The following DYNLT2B variants were observed in gnomAD, a reference collection of about 807,000 sequenced individuals.
DYNLT2B encodes the protein dynein light chain Tctex-type 2B.
A neutral mutation model predicts 19.5 loss-of-function variants in DYNLT2B; 14 were observed. The ratio of observed to expected loss-of-function variants is 0.72; its 90% confidence interval spans 0.47 to 1.12. DYNLT2B has a LOEUF of 1.12. Among genes scored for constraint, DYNLT2B ranks in the 50% most tolerant of loss-of-function variants. The pLI is 0.00. For synonymous variants in DYNLT2B, 70 were observed against 59.7 expected, an observed-to-expected ratio of 1.17 and a Z score of -0.79; for missense variants, 133 against 174.7, an observed-to-expected ratio of 0.76 and a Z score of 1.35.
chr3:196,316,335 C>T (rs1577395697), intron 1 of DYNLT2B, 104 bp from the exon 2 acceptor site: 2 of 1,160,314 alleles, frequency 1.7e-6, no homozygotes, highest in East Asian at 2.7e-5. Flanking sequence ...CCACTTAATC[C>T]TTCTTTTTCA....
intron 4 of DYNLT2B, among the ~76,000 whole-genome samples, chr3:196,291,839 T>C (rs897595197): frequency 1.6e-4 from 24 of 152,214 alleles, no homozygotes; most frequent in African/African-American, 5.1e-4. Context: ...TTCCAGAGTA[T>C]AGCTACACTA....
chr3:196,301,409 A>G (rs1208341831), intron 3 of DYNLT2B, among the ~76,000 whole-genome samples: 1 of 152,106 alleles, frequency 6.6e-6, no homozygotes. Flanking sequence ...TAAGCATATA[A>G]CAACATAAAA....
chr3:196,299,595 A>G (rs1726300966), intron 3 of DYNLT2B, among the ~76,000 whole-genome samples: 1 of 152,102 alleles, frequency 6.6e-6, no homozygotes, highest in Admixed American at 6.5e-5. Flanking sequence ...AAAAGGAGAA[A>G]GTAGAACTGA....
At position 196,291,302 on chromosome 3, in the gene DYNLT2B, T is replaced by C. The variant is rs1176506008; in HGVS notation, c.*25A>G. ...GTTCAGATTTCTTCATGGTCATGTC[T>C]TTTACCAGCTTTTCAAAGATTCATT... On this transcript the variant is annotated 3_prime_UTR_variant, in exon 5 of 5. Transcript: ENST00000325318. The C allele has an allele frequency of 1.9e-6, 3 of 1,600,630 alleles. No homozygotes were observed. Among genetic ancestry groups the C allele is most frequent in the Middle Eastern group, 1.7e-4 (1 of 6,006 alleles).
intron 3 of DYNLT2B, among the ~76,000 whole-genome samples, chr3:196,299,356 A>G (rs997484695): frequency 6.3e-4 from 96 of 151,698 alleles, no homozygotes; most frequent in African/African-American, 2.3e-3. Context: ...AAGTGCTGGG[A>G]TTACAGGCAT....
At chr3:196,294,620 C>T (rs2108789959) in intron 4 of DYNLT2B, among the ~76,000 whole-genome samples, 1 of 152,350 alleles carries the variant, frequency 6.6e-6, no homozygotes, top group East Asian at 1.9e-4. Context: ...CTTCAGCTTC[C>T]TAATGTCACT....
chr3:196,309,153 C>T (rs146046044), intron 2 of DYNLT2B, among the ~76,000 whole-genome samples: 65 of 152,362 alleles, frequency 4.3e-4, no homozygotes, highest in African/African-American at 1.3e-3. Context: ...CCATGGCTCA[C>T]GCCTGTAATC....
chr3:196,309,268 T>G (rs1387914106), intron 2 of DYNLT2B, among the ~76,000 whole-genome samples: 1 of 152,000 alleles, frequency 6.6e-6, no homozygotes, highest in African/African-American at 2.4e-5. Context: ...CAATTTTTCT[T>G]TTTTTCTTTT....
chr3:196,306,367 G>A (rs1726486116), intron 3 of DYNLT2B, among the ~76,000 whole-genome samples: 1 of 151,598 alleles, frequency 6.6e-6, no homozygotes, highest in East Asian at 1.9e-4. Flanking sequence ...GGCCAAGGCT[G>A]CAGTGAGTTG....
At chr3:196,292,627 C>T (rs2108789094) in intron 4 of DYNLT2B, 1 of 152,160 alleles carries the variant, frequency 6.6e-6, no homozygotes, top group South Asian at 2.1e-4. Flanking sequence ...CTAAACCAAC[C>T]CTTATACTCA....
At position 196,296,027 on chromosome 3, in the gene DYNLT2B, A is replaced by G. The variant is rs569444732; in HGVS notation, c.360T>C (p.Tyr120=). 1.9e-6 allele frequency: 3 copies of G among 1,614,034 alleles called. No individual in the cohort carries two copies. In the East Asian group the frequency reaches 6.7e-5, roughly 36 times the overall value. ...TTACATTCATGAAAACATCATGAGTATAGTTGTCAGTGTCAGCATCCCAGA... is the reference window on the plus strand; with the variant it reads ...TTACATTCATGAAAACATCATGAGTGTAGTTGTCAGTGTCAGCATCCCAGA... ...RCFWDADTDN[Y]THDVFMNDSL... Residue 120 remains tyrosine (Y), a synonymous_variant, in exon 4 of 5, where the codon TAT becomes TAC. Transcript: ENST00000325318.
intron 2 of DYNLT2B, among the ~76,000 whole-genome samples, chr3:196,314,426 G>T (rs1726720591): frequency 6.8e-6 from 1 of 146,026 alleles, no homozygotes; most frequent in African/African-American, 2.6e-5. Flanking sequence ...TCACACCACT[G>T]CACTCCAGCC....
At chr3:196,300,091 G>A (rs1407681544) in intron 3 of DYNLT2B, among the ~76,000 whole-genome samples, 1 of 152,160 alleles carries the variant, frequency 6.6e-6, no homozygotes. Context: ...GAGTTCAGGG[G>A]CCTCTAACTG....
chr3:196,301,401 A>C (rs1010390130), intron 3 of DYNLT2B, among the ~76,000 whole-genome samples: 2 of 152,172 alleles, frequency 1.3e-5, no homozygotes, highest in Non-Finnish European at 2.9e-5. Context: ...TACCAGAGTA[A>C]GCATATAACA....
chr3:196,302,769 T>C (rs553404928), intron 3 of DYNLT2B, among the ~76,000 whole-genome samples: 1 of 152,050 alleles, frequency 6.6e-6, no homozygotes, highest in Non-Finnish European at 1.5e-5. Context: ...CTTTGCAAAA[T>C]GATGACTGAG....
intron 2 of DYNLT2B, among the ~76,000 whole-genome samples, chr3:196,314,935 A>G (rs148623370): frequency 6.3e-4 from 96 of 152,290 alleles, no homozygotes; most frequent in African/African-American, 2.1e-3. Context: ...AGGGTTGAGT[A>G]AGGGAAGTAG....
chr3:196,311,067 G>A (rs534470850), intron 2 of DYNLT2B, among the ~76,000 whole-genome samples: 1 of 152,110 alleles, frequency 6.6e-6, no homozygotes, highest in East Asian at 1.9e-4. Flanking sequence ...ATAAAGAGAT[G>A]AAAAGAAAGA....
Position 196,308,847 on chromosome 3 carries a change from C to G in DYNLT2B, c.248-1835G>C, listed in dbSNP as rs139556201. Among the ~76,000 whole-genome samples the G allele has an allele frequency of 1.2e-4, 18 of 152,272 alleles. No individual in the cohort carries two copies. In the East Asian group the frequency reaches 3.5e-3, roughly 29 times the overall value. ...ATACAGAAATGTGTCTAGAATAATA[C>G]TCAGCCCTTAAATCACGGTTCTGAG... is the stretch of plus-strand genomic sequence containing the variant. On this transcript the variant is annotated intron_variant, in intron 2 of 4. Transcript: ENST00000325318.
chr3:196,311,777 C>T (rs186937321), intron 2 of DYNLT2B, among the ~76,000 whole-genome samples: 1 of 151,998 alleles, frequency 6.6e-6, no homozygotes, highest in Non-Finnish European at 1.5e-5. Context: ...TCCTTCACCC[C>T]CCAGGTTCAA....
Sources: gnomAD v4.1 joint callset for allele counts (sites outside exome capture counted in the v4.1 genomes callset) on GRCh38, gnomAD v4.1.1 for gene constraint, MANE v1.5 for transcripts, NCBI Gene and HGNC (gene_info 2026-07-23, HGNC 2026-07-21) for gene names.